SPIDR: variants seen among roughly 807,000 people sequenced by gnomAD.
SPIDR encodes the protein DNA repair-scaffolding protein.
A neutral mutation model predicts 104.6 loss-of-function variants in SPIDR; 93 were observed. The ratio of observed to expected loss-of-function variants is 0.89; its 90% CI spans 0.75 to 1.06. The LOEUF (loss-of-function observed/expected upper bound fraction) is 1.06, where lower values mean the gene tolerates loss of function less well. SPIDR is among the 50% of genes least tolerant of loss of function. SPIDR has a pLI of 0.00. For missense variants in SPIDR, 1,154 were observed against 1,111.2 expected, an observed-to-expected ratio of 1.04 and a Z score of -0.55; for synonymous variants, 431 against 416.9, an observed-to-expected ratio of 1.03 and a Z score of -0.41.
At chr8:47,625,473 C>T (rs140361599) in intron 10 of SPIDR, among the ~76,000 whole-genome samples, 16,432 of 152,126 alleles carry the variant, frequency 0.11, 1,271 homozygotes, top group Admixed American at 0.2. Flanking sequence ...GACATGATTG[C>T]ATATCTAGAA....
chr8:47,481,675 G>GA (rs1346569720), intron 8 of SPIDR, among the ~76,000 whole-genome samples: 4 of 151,784 alleles, frequency 2.6e-5, no homozygotes, highest in South Asian at 2.1e-4. Flanking sequence ...GAATACAAAG[G>GA]AAAAAAAAGA....
chr8:47,681,467 G>A (rs145066862), intron 11 of SPIDR, among the ~76,000 whole-genome samples: 86 of 152,028 alleles, frequency 5.7e-4, no homozygotes, highest in African/African-American at 1.9e-3. Context: ...GATGAAGTCT[G>A]TTTTCCTGAT....
At chr8:47,445,329 A>T (rs923051220) in intron 8 of SPIDR, among the ~76,000 whole-genome samples, 1 of 152,186 alleles carries the variant, frequency 6.6e-6, no homozygotes, top group Non-Finnish European at 1.5e-5. Flanking sequence ...GATCTTTGAT[A>T]TCACTGTTGT....
intron 6 of SPIDR, among the ~76,000 whole-genome samples, chr8:47,402,905 G>A (rs1306030826): frequency 2.0e-5 from 3 of 152,126 alleles, no homozygotes; most frequent in African/African-American, 7.2e-5. Context: ...AACAAAAAAA[G>A]ACAATTTTAG....
intron 14 of SPIDR, 140 bp from the exon 15 acceptor site, chr8:47,712,521 TG>T: frequency 2.0e-6 from 2 of 986,482 alleles, no homozygotes; most frequent in East Asian, 2.7e-5. Flanking sequence ...GTGACCAAGA[TG>T]TGCAAAGTCT....
intron 8 of SPIDR, among the ~76,000 whole-genome samples, chr8:47,497,711 T>C (rs1202354021): frequency 1.3e-5 from 2 of 152,146 alleles, no homozygotes; most frequent in Admixed American, 6.5e-5. Context: ...TTTTTTTTGG[T>C]AAGGCTTGAT....
At chr8:47,426,408 T>C (rs1432912286) in intron 7 of SPIDR, among the ~76,000 whole-genome samples, 3 of 9,102 alleles carry the variant, frequency 3.3e-4, no homozygotes, top group Admixed American at 4.6e-3. Context: ...TTGGCTTATC[T>C]TTTTTTTTTT....
At chr8:47,310,289 G>A (rs886663086) in intron 5 of SPIDR, among the ~76,000 whole-genome samples, 6 of 148,632 alleles carry the variant, frequency 4.0e-5, no homozygotes, top group Non-Finnish European at 5.9e-5. Context: ...AGCTGAGATC[G>A]CGCCGCTGCA....
intron 5 of SPIDR, among the ~76,000 whole-genome samples, chr8:47,312,899 T>C (rs1376163445): frequency 2.0e-5 from 3 of 152,272 alleles, no homozygotes; most frequent in Non-Finnish European, 4.4e-5. Flanking sequence ...AATTTGTGTA[T>C]AAGGTGTAAG....
intron 10 of SPIDR, among the ~76,000 whole-genome samples, chr8:47,599,571 A>G (rs1313276366): frequency 2.0e-5 from 3 of 152,224 alleles, no homozygotes; most frequent in Non-Finnish European, 4.4e-5. Flanking sequence ...CTGAGTAAAT[A>G]ATGGCAATTG....
At chr8:47,489,034 T>C (rs1357284796) in intron 8 of SPIDR, among the ~76,000 whole-genome samples, 4 of 152,160 alleles carry the variant, frequency 2.6e-5, no homozygotes, top group African/African-American at 4.8e-5. Context: ...ATAAAGGGTA[T>C]TCAATTAGGA....
chr8:47,463,764 A>G (rs1023795342), intron 8 of SPIDR, among the ~76,000 whole-genome samples: 5 of 152,244 alleles, frequency 3.3e-5, no homozygotes, highest in Non-Finnish European at 7.3e-5. Flanking sequence ...GAGAAAAACC[A>G]TACAATTGTT....
At chr8:47,685,620 T>C (rs1019483541) in intron 11 of SPIDR, among the ~76,000 whole-genome samples, 2 of 151,388 alleles carry the variant, frequency 1.3e-5, no homozygotes, top group Admixed American at 1.3e-4. Context: ...TTTTTTTTAA[T>C]CTCTGCTCAC....
In SPIDR at chr8:47,648,590, G is replaced by A. The variant is rs149779969; in HGVS notation, c.1545-25211G>A. 2.6e-5 allele frequency among the ~76,000 whole-genome samples: 4 copies of A among 152,324 alleles called. No individual in the cohort carries two copies. In the East Asian group the frequency reaches 5.8e-4, roughly 22 times the overall value. ...GACAGTGATACGTCAGTAGCAATGA[G>A]CACACCTAGTGCCAGATAGTAGCTT... On this transcript the variant is annotated intron_variant, in intron 10 of 19. Transcript: ENST00000297423.
At chr8:47,526,353 A>G (rs1248864011) in intron 8 of SPIDR, among the ~76,000 whole-genome samples, 1 of 152,248 alleles carries the variant, frequency 6.6e-6, no homozygotes, top group Non-Finnish European at 1.5e-5. Context: ...AACAAAGAGC[A>G]GAGTCCTGCT....
intron 8 of SPIDR, among the ~76,000 whole-genome samples, chr8:47,467,469 TACTG>T (rs2075056255): frequency 2.0e-5 from 3 of 152,040 alleles, no homozygotes. Flanking sequence ...CTAAACAAAA[TACTG>T]ACAAACTGAG....
chr8:47,433,199 G>A (rs2067667173), intron 7 of SPIDR, among the ~76,000 whole-genome samples: 1 of 151,978 alleles, frequency 6.6e-6, no homozygotes, highest in Non-Finnish European at 1.5e-5. Context: ...AGAATATCTA[G>A]AATCTGAGCA....
At chr8:47,664,089 C>G (rs919432918) in intron 10 of SPIDR, among the ~76,000 whole-genome samples, 1 of 152,212 alleles carries the variant, frequency 6.6e-6, no homozygotes, top group Non-Finnish European at 1.5e-5. Context: ...AGAGACTAAC[C>G]TGGGGCTCTA....
chr8:47,308,820 A>G (rs950241587), intron 5 of SPIDR, among the ~76,000 whole-genome samples: 3 of 152,228 alleles, frequency 2.0e-5, no homozygotes, highest in African/African-American at 7.2e-5. Context: ...GCTGCGCGCA[A>G]GCTGCTCCTT....
Sources: gnomAD v4.1 joint callset for allele counts (sites outside exome capture counted in the v4.1 genomes callset) on GRCh38, gnomAD v4.1.1 for gene constraint, MANE v1.5 for transcripts, NCBI Gene and HGNC (gene_info 2026-07-23, HGNC 2026-07-21) for gene names.